The following ADIPOR2 variants were observed in gnomAD, a reference collection of about 807,000 sequenced individuals.
ADIPOR2 encodes adiponectin receptor 2.
A neutral mutation model predicts 40.9 loss-of-function variants in ADIPOR2; 18 were observed. That is an observed-to-expected ratio of 0.44 (90% CI 0.30 to 0.65). ADIPOR2 has a LOEUF of 0.65. Among genes scored for constraint, ADIPOR2 ranks in the 30% least tolerant of loss-of-function variants. The pLI is 0.09. For missense variants in ADIPOR2, 283 were observed against 479.2 expected, an observed-to-expected ratio of 0.59 and a Z score of 3.82; for synonymous variants, 165 against 166.4, an observed-to-expected ratio of 0.99 and a Z score of 0.06.
chr12:1,701,127 CTTT>C (rs34379541), intron 1 of ADIPOR2, among the ~76,000 whole-genome samples: 6 of 123,768 alleles, frequency 4.8e-5, no homozygotes, highest in African/African-American at 6.0e-5. Flanking sequence ...TGGTGTTGAT[CTTT>C]TTTTTTTTTT....
rs1412576851 is a variant in ADIPOR2, at chr12:1,783,797, G to A, written c.839-83G>A. Reference sequence around the variant, plus strand: ...TACTTTGAAATATTCAGTTTACAGAGTTAATGGTGCTGTGCTGTAATACTG... The same window carrying A: ...TACTTTGAAATATTCAGTTTACAGAATTAATGGTGCTGTGCTGTAATACTG... On this transcript the variant is annotated intron_variant, in intron 6 of 7. Transcript: ENST00000357103. The A allele has an allele frequency of 1.3e-4, 151 of 1,150,256 alleles. No homozygotes were observed. The African/African-American group carries it at 2.2e-3, about 17-fold the overall frequency. 71.3% of individuals were successfully genotyped at this position (1,150,256 alleles called of 1,614,324 possible).
chr12:1,695,069 G>C (rs1484078765), intron 1 of ADIPOR2, among the ~76,000 whole-genome samples: 1 of 149,902 alleles, frequency 6.7e-6, no homozygotes, highest in Non-Finnish European at 1.5e-5. Flanking sequence ...TCAGGCTGGA[G>C]TGCACTGGTG....
chr12:1,742,406 A>G (rs970200913), intron 1 of ADIPOR2, among the ~76,000 whole-genome samples: 47 of 152,238 alleles, frequency 3.1e-4, no homozygotes, highest in Admixed American at 1.5e-3. Context: ...ACTTTTTTCT[A>G]TGTTTAGAAA....
intron 2 of ADIPOR2, among the ~76,000 whole-genome samples, chr12:1,758,927 T>C (rs1014035138): frequency 7.2e-5 from 11 of 152,352 alleles, no homozygotes; most frequent in Admixed American, 5.9e-4. Context: ...AAATAGGATT[T>C]AGAAAGGTTA....
chr12:1,762,856 G>C (rs1862299763), intron 2 of ADIPOR2, among the ~76,000 whole-genome samples: 1 of 152,130 alleles, frequency 6.6e-6, no homozygotes, highest in Admixed American at 6.5e-5. Flanking sequence ...CTCTTCAAAG[G>C]GGCAGGGTTT....
chr12:1,699,605 A>G (rs1015085903), intron 1 of ADIPOR2, among the ~76,000 whole-genome samples: 1 of 152,176 alleles, frequency 6.6e-6, no homozygotes, highest in African/African-American at 2.4e-5. Flanking sequence ...GAGCCGAGAT[A>G]GCACCATTGC....
rs1862640633 is a variant in ADIPOR2, at chr12:1,778,271, A to ATTT, written c.463+246_463+247insTTT. ...TCAGATCTTGTCCTCAAACCAGGCC[A>ATTT]AGTAAAAGTTGCTATACAAAATGTG... On this transcript the variant is annotated intron_variant, in intron 4 of 7. Coordinates refer to ENST00000357103, the MANE Select transcript of ADIPOR2 (RefSeq NM_024551.3). The ATTT allele has an allele frequency of 1.9e-5, 7 of 365,478 alleles. No homozygotes were observed. The South Asian group carries it at 2.4e-4, about 13-fold the overall frequency. The allele number at this position is 365,478 out of a possible 1,614,324, so 22.6% of individuals were successfully genotyped here.
intron 1 of ADIPOR2, among the ~76,000 whole-genome samples, chr12:1,738,598 C>T (rs561000915): frequency 6.6e-6 from 1 of 152,256 alleles, no homozygotes; most frequent in East Asian, 1.9e-4. Flanking sequence ...AATGAATTCT[C>T]CAGCCAGCAG....
chr12:1,748,258 C>CT (rs968468475), intron 1 of ADIPOR2, among the ~76,000 whole-genome samples: 2 of 151,528 alleles, frequency 1.3e-5, no homozygotes, highest in Non-Finnish European at 2.9e-5. Flanking sequence ...TTTATTTATT[C>CT]TTTTTTTAGA....
chr12:1,748,890 C>G (rs753995565), intron 1 of ADIPOR2, among the ~76,000 whole-genome samples: 2 of 151,970 alleles, frequency 1.3e-5, no homozygotes, highest in Non-Finnish European at 2.9e-5. Context: ...CAGTTCGACA[C>G]TATCTCCGGG....
At chr12:1,772,797 G>A in intron 2 of ADIPOR2, 45 bp from the exon 3 acceptor site, 2 of 1,554,434 alleles carry the variant, frequency 1.3e-6, no homozygotes, top group Non-Finnish European at 1.7e-6. Flanking sequence ...TGTGTCATTT[G>A]GCTCCCAGTC....
intron 1 of ADIPOR2, among the ~76,000 whole-genome samples, chr12:1,729,617 GTTT>G (rs56921758): frequency 4.7e-3 from 419 of 88,966 alleles, no homozygotes; most frequent in Non-Finnish European, 7.0e-3. Context: ...TCAGCCAGTT[GTTT>G]TTTTTTTTTT....
chr12:1,704,046 C>T (rs891428083), intron 1 of ADIPOR2, among the ~76,000 whole-genome samples: 310 of 66,260 alleles, frequency 4.7e-3, no homozygotes, highest in Middle Eastern at 0.027. Context: ...GGTCTTGGTT[C>T]TACCTGGAAT....
rs187669714 is a variant in ADIPOR2 at position 1,786,128 on chromosome 12, G to C, written c.*56G>C. ...AAACCAGGGCCTGCGGCACTTGCGG[G>C]CCTCCCTGCTGGCTACTGATGCCAG... On this transcript the variant is annotated 3_prime_UTR_variant, in exon 8 of 8. Transcript: ENST00000357103. 1 of 1,581,120 alleles carries C rather than the reference G, an allele frequency of 6.3e-7. No homozygotes were observed. Among genetic ancestry groups the C allele is most frequent in the East Asian group, 2.2e-5 (1 of 44,656 alleles).
intron 1 of ADIPOR2, among the ~76,000 whole-genome samples, chr12:1,747,448 G>A (rs1367922129): frequency 6.6e-6 from 1 of 152,068 alleles, no homozygotes; most frequent in East Asian, 1.9e-4. Context: ...TCATACAATT[G>A]GCTTTTCAAA....
chr12:1,693,568 T>C (rs11061921), intron 1 of ADIPOR2, among the ~76,000 whole-genome samples: 40,270 of 151,116 alleles, frequency 0.27, 5,974 homozygotes, highest in Admixed American at 0.44. Context: ...AGTTTCGTTC[T>C]TGTTGCCCAG....
At chr12:1,709,172 T>A (rs1255096173) in intron 1 of ADIPOR2, among the ~76,000 whole-genome samples, 1 of 152,212 alleles carries the variant, frequency 6.6e-6, no homozygotes, top group East Asian at 1.9e-4. Context: ...TTGTGTTGTA[T>A]TAAATATACA....
intron 1 of ADIPOR2, among the ~76,000 whole-genome samples, chr12:1,713,788 G>A (rs2094682290): frequency 1.3e-5 from 2 of 152,034 alleles, no homozygotes; most frequent in Non-Finnish European, 2.9e-5. Context: ...AGGATTCCTC[G>A]GATGGTAATG....
chr12:1,718,260 T>G (rs1379768507), intron 1 of ADIPOR2, among the ~76,000 whole-genome samples: 1 of 152,182 alleles, frequency 6.6e-6, no homozygotes, highest in African/African-American at 2.4e-5. Flanking sequence ...TATTTTAATC[T>G]GAATGCATTC....
Sources: gnomAD v4.1 joint callset for allele counts (sites outside exome capture counted in the v4.1 genomes callset) on GRCh38, gnomAD v4.1.1 for gene constraint, MANE v1.5 for transcripts, NCBI Gene and HGNC (gene_info 2026-07-23, HGNC 2026-07-21) for gene names.